Variants in ZSCAN18 observed in about 807,000 individuals in gnomAD.
ZSCAN18 encodes zinc finger and SCAN domain containing 18.
A neutral mutation model predicts 31.1 loss-of-function variants in ZSCAN18; 16 were observed. The observed-to-expected ratio is 0.51, with a 90% confidence interval of 0.35 to 0.78. ZSCAN18 has a LOEUF of 0.78. ZSCAN18 is among the 30% of genes least tolerant of loss of function. The pLI is 0.01. For missense variants in ZSCAN18, 731 were observed against 697.4 expected, an observed-to-expected ratio of 1.05 and a Z score of -0.54; for synonymous variants, 375 against 320.7, an observed-to-expected ratio of 1.17 and a Z score of -1.81.
At chr19:58,109,239 A>G (rs2074659972) in intron 1 of ZSCAN18, 3 of 1,231,558 alleles carry the variant, frequency 2.4e-6, no homozygotes, top group African/African-American at 1.6e-5. Context: ...ATTTTCACCA[A>G]ATTGGATAGT....
At chr19:58,095,007 T>C (rs2074493704) in intron 1 of ZSCAN18, among the ~76,000 whole-genome samples, 1 of 151,856 alleles carries the variant, frequency 6.6e-6, no homozygotes, top group Non-Finnish European at 1.5e-5. Flanking sequence ...CAGTGAGCTA[T>C]GTTTGTGCCA....
At chr19:58,115,312 GCTTA>G (rs1352430475) in intron 1 of ZSCAN18, among the ~76,000 whole-genome samples, 4 of 152,196 alleles carry the variant, frequency 2.6e-5, no homozygotes, top group Admixed American at 1.3e-4. Flanking sequence ...TCAACAGGGA[GCTTA>G]CTATTTAAAT....
intron 1 of ZSCAN18, among the ~76,000 whole-genome samples, chr19:58,105,201 G>C (rs541938577): frequency 1.6e-4 from 25 of 152,268 alleles, no homozygotes; most frequent in African/African-American, 5.8e-4. Context: ...ACTGTTGAGA[G>C]ACTTCCTCCT....
Position 58,084,732 on chromosome 19 carries a change from T to C in ZSCAN18, c.1486A>G (p.Ser496Gly). 1 of 1,539,360 alleles carries C rather than the reference T, an allele frequency of 6.5e-7. No homozygotes were observed. Among genetic ancestry groups the C allele is most frequent in the East Asian group, 2.3e-5 (1 of 43,696 alleles). Reference sequence around the variant, plus strand: ...GCGGGGGGAGCCTCGCCCTCCACGCTCTCTGGGGGACCGCCCGCCCTAGCC... The same window carrying C: ...GCGGGGGGAGCCTCGCCCTCCACGCCCTCTGGGGGACCGCCCGCCCTAGCC... ...AGARAGGPPESVEGEAPPAPP... is the reference protein window; with the variant it reads ...AGARAGGPPEGVEGEAPPAPP... The change falls in exon 7 of 7, where the codon AGC becomes GGC. Residue 496 changes from serine (S) to glycine (G), a missense_variant. Transcript: ENST00000601144. This position sits in a 1 kb window ranked among gnomAD's most constrained non-coding sequence, Gnocchi z 4.5.
chr19:58,090,466 C>G lies in ZSCAN18; in HGVS notation c.-119-80G>C. On this transcript the variant is annotated intron_variant, in intron 1 of 6. Transcript: ENST00000601144. The surrounding 1 kb of genome is among the most constrained non-coding windows in gnomAD (Gnocchi z 4.7). The stretch of plus-strand genomic sequence containing the variant: ...CCCAGCTGCCAGAGAACAAAGACAC[C>G]ACACCCAGAGTTCACACAGATTTCC... The G allele has an allele frequency of 7.6e-7, 1 of 1,316,910 alleles. No individual in the cohort carries two copies. The highest frequency in any genetic ancestry group is 1.0e-6 in the Non-Finnish European group (1 of 979,408). The allele number at this position is 1,316,910 out of a possible 1,614,324, so 81.6% of individuals were successfully genotyped here. A position where few individuals can be genotyped will look rare whatever the true frequency, so the allele number is the denominator to read the frequency against.
In ZSCAN18 at chr19:58,084,406, G is replaced by C; in HGVS notation, c.*279C>G. 1 of 405,898 alleles carries C rather than the reference G, an allele frequency of 2.5e-6. No homozygotes were observed. The highest frequency in any genetic ancestry group is 4.2e-5 in the Admixed American group (1 of 23,862). 25.1% of individuals were successfully genotyped at this position (405,898 alleles called of 1,614,324 possible). A position where few individuals can be genotyped will look rare whatever the true frequency, so the allele number is the denominator to read the frequency against. The stretch of plus-strand genomic sequence containing the variant: ...ACAATGTCAAATAACCTAGCATGGG[G>C]CGGCACTAAATGGCTGCAGGAAAGC... On this transcript the variant is annotated 3_prime_UTR_variant, in exon 7 of 7. Coordinates refer to ENST00000601144, the MANE Select transcript of ZSCAN18 (RefSeq NM_001145543.2). The surrounding 1 kb of genome is among the most constrained non-coding windows in gnomAD (Gnocchi z 4.5).
chr19:58,116,423 C>T (rs975488475), intron 1 of ZSCAN18, among the ~76,000 whole-genome samples: 5 of 151,704 alleles, frequency 3.3e-5, no homozygotes, highest in Admixed American at 3.3e-4. Flanking sequence ...AGATGAAGAC[C>T]TCCACCTCAC....
At position 58,107,580 on chromosome 19, in the gene ZSCAN18, T is replaced by C. The variant is rs1158892821; in HGVS notation, c.130+10687A>G. On this transcript the variant is annotated intron_variant, in intron 1 of 1. Coordinates refer to the ZSCAN18 transcript ENST00000595721. ...CTGTCTCAAAAATAAAATAAAATAT[T>C]GAGTGCACCATGCGGTAAACACATG... 5 of 817,474 alleles carry C rather than the reference T, an allele frequency of 6.1e-6. No homozygotes were observed. The Admixed American group carries it at 1.9e-4, about 31-fold the overall frequency. 50.6% of individuals were successfully genotyped at this position (817,474 alleles called of 1,614,324 possible).
intron 1 of ZSCAN18, among the ~76,000 whole-genome samples, chr19:58,111,911 T>C (rs1451783592): frequency 6.6e-6 from 1 of 152,182 alleles, no homozygotes; most frequent in Admixed American, 6.5e-5. Context: ...CATGCGAAAA[T>C]TAGTTAATGT....
chr19:58,086,095 G>T, intron 6 of ZSCAN18, 79 bp downstream of exon 6: 1 of 1,222,892 alleles, frequency 8.2e-7, no homozygotes, highest in Non-Finnish European at 1.2e-6. Flanking sequence ...GGGGCTGATG[G>T]CGCTGGGAGG....
chr19:58,107,819 T>C (rs923715555), intron 1 of ZSCAN18: 22 of 999,766 alleles, frequency 2.2e-5, no homozygotes, highest in African/African-American at 6.9e-5. Flanking sequence ...TTGGGAAAAC[T>C]TTCCCACACT....
intron 1 of ZSCAN18, among the ~76,000 whole-genome samples, chr19:58,115,194 G>A (rs1170135472): frequency 6.6e-6 from 1 of 152,240 alleles, no homozygotes; most frequent in African/African-American, 2.4e-5. Flanking sequence ...GCTCCCAGTG[G>A]TTGGCAGCTG....
At chr19:58,088,047 A>G (rs1489121932) in intron 3 of ZSCAN18, 1 of 153,416 alleles carries the variant, frequency 6.5e-6, no homozygotes, top group East Asian at 1.9e-4. Flanking sequence ...GGAAAACCAC[A>G]TGGAAGTTTC....
chr19:58,097,975 G>A (rs2074552882), intron 1 of ZSCAN18, 199 bp downstream of exon 1: 14 of 985,408 alleles, frequency 1.4e-5, no homozygotes, highest in Non-Finnish European at 1.4e-5. Flanking sequence ...CCACCTCCGG[G>A]GGGACCCGGC....
intron 1 of ZSCAN18, among the ~76,000 whole-genome samples, chr19:58,110,233 C>A (rs1465365950): frequency 6.6e-6 from 1 of 152,142 alleles, no homozygotes; most frequent in Non-Finnish European, 1.5e-5. Flanking sequence ...CTCCAACTGT[C>A]CCCAAGATGC....
At chr19:58,114,497 T>A (rs2052733) in intron 1 of ZSCAN18, among the ~76,000 whole-genome samples, 115,886 of 151,984 alleles carry the variant, frequency 0.76, 44,859 homozygotes, top group Non-Finnish European at 0.84. Flanking sequence ...ATACATATAC[T>A]TAAACACATG....
At chr19:58,106,015 A>G (rs1166227576) in intron 1 of ZSCAN18, among the ~76,000 whole-genome samples, 1 of 152,196 alleles carries the variant, frequency 6.6e-6, no homozygotes, top group Non-Finnish European at 1.5e-5. Flanking sequence ...TTGTAAGGCT[A>G]TAGCTGCCAT....
intron 1 of ZSCAN18, among the ~76,000 whole-genome samples, chr19:58,091,807 C>T (rs888778304): frequency 3.3e-5 from 5 of 152,288 alleles, no homozygotes; most frequent in African/African-American, 1.2e-4. Context: ...TGCAGCTGTC[C>T]ACCTTCTCCC....
intron 1 of ZSCAN18, chr19:58,093,089 T>C (rs1350834844): frequency 3.9e-5 from 6 of 151,970 alleles, no homozygotes; most frequent in African/African-American, 1.2e-4. Context: ...ACCCTTTTGT[T>C]ACCTCATAGG....
Sources: gnomAD v4.1 joint callset for allele counts (sites outside exome capture counted in the v4.1 genomes callset) on GRCh38, gnomAD v4.1.1 for gene constraint, Gnocchi (gnomAD v3.1) non-coding constraint, MANE v1.5 for transcripts, NCBI Gene and HGNC (gene_info 2026-07-23, HGNC 2026-07-21) for gene names.